Variants in NKAIN2 observed in about 807,000 individuals in gnomAD.
NKAIN2 encodes the protein sodium/potassium-transporting ATPase subunit beta-1-interacting protein 2.
NKAIN2 carries 14 observed loss-of-function variants against 32.6 expected under a neutral mutation model. That is an observed-to-expected ratio of 0.43 (90% confidence interval 0.28 to 0.67). NKAIN2 has a LOEUF of 0.67. Ranked by LOEUF, NKAIN2 falls within the 30% of genes least tolerant of loss-of-function variation. The pLI, the probability that NKAIN2 is intolerant of heterozygous loss-of-function variation, is 0.17. For missense variants in NKAIN2, 198 were observed against 258.3 expected (o/e 0.77, Z 1.60); for synonymous variants, 80 against 87.2 (o/e 0.92, Z 0.46).
chr6:123,966,331 C>T (rs959803638), intron 1 of NKAIN2, among the ~76,000 whole-genome samples: 13 of 152,096 alleles, frequency 8.5e-5, no homozygotes, highest in Admixed American at 2.0e-4. Context: ...TCAGAAGATA[C>T]GAGCTTTAAT....
intron 3 of NKAIN2, among the ~76,000 whole-genome samples, chr6:124,417,873 G>A (rs987492170): frequency 2.6e-5 from 4 of 152,084 alleles, no homozygotes; most frequent in South Asian, 2.1e-4. Flanking sequence ...ACATCCTGGT[G>A]GACAATAGCC....
At chr6:124,665,098 C>T (rs1772725380) in intron 4 of NKAIN2, among the ~76,000 whole-genome samples, 2 of 151,916 alleles carry the variant, frequency 1.3e-5, no homozygotes, top group Admixed American at 1.3e-4. Context: ...CCAAAGAAAT[C>T]TACAGATTCA....
chr6:123,912,396 T>C (rs1010805056), intron 1 of NKAIN2, among the ~76,000 whole-genome samples: 3 of 152,160 alleles, frequency 2.0e-5, no homozygotes, highest in Non-Finnish European at 4.4e-5. Context: ...TAAATCTGAG[T>C]CCATTTCAAT....
intron 1 of NKAIN2, among the ~76,000 whole-genome samples, chr6:123,911,778 CATACATATATAT>C (rs1277668402): frequency 3.9e-5 from 3 of 75,980 alleles, no homozygotes; most frequent in African/African-American, 1.5e-4. Flanking sequence ...TATATACATA[CATACATATATAT>C]ATATATATAT....
At chr6:123,893,282 C>T (rs993773487) in intron 1 of NKAIN2, among the ~76,000 whole-genome samples, 2 of 152,132 alleles carry the variant, frequency 1.3e-5, no homozygotes, top group Non-Finnish European at 2.9e-5. Flanking sequence ...TTCATTGTAG[C>T]CTTGAATTGC....
intron 1 of NKAIN2, among the ~76,000 whole-genome samples, chr6:124,151,906 A>AT (rs1164454177): frequency 8.6e-5 from 13 of 151,864 alleles, no homozygotes. Flanking sequence ...AACTCTTTAT[A>AT]TTTTTTCTAT....
chr6:124,251,116 A>C (rs999343176), intron 1 of NKAIN2, among the ~76,000 whole-genome samples: 1 of 152,068 alleles, frequency 6.6e-6, no homozygotes, highest in African/African-American at 2.4e-5. Flanking sequence ...GAGAACTAGA[A>C]AACATAAAAT....
At chr6:124,635,039 G>A (rs957925595) in intron 3 of NKAIN2, among the ~76,000 whole-genome samples, 1 of 150,056 alleles carries the variant, frequency 6.7e-6, no homozygotes, top group Non-Finnish European at 1.5e-5. Context: ...GGAAGAAGAG[G>A]AAGGAAGGAA....
At chr6:124,526,126 T>C (rs1395486435) in intron 3 of NKAIN2, among the ~76,000 whole-genome samples, 1 of 152,014 alleles carries the variant, frequency 6.6e-6, no homozygotes, top group African/African-American at 2.4e-5. Flanking sequence ...GAAATGATCA[T>C]ATATATAAAG....
chr6:124,127,581 G>A (rs1282379914), intron 1 of NKAIN2, among the ~76,000 whole-genome samples: 2 of 152,156 alleles, frequency 1.3e-5, no homozygotes, highest in South Asian at 2.1e-4. Context: ...TTAGGATGGA[G>A]GAAAAAGACA....
At chr6:124,777,915 C>T (rs984088397) in intron 4 of NKAIN2, among the ~76,000 whole-genome samples, 5 of 151,770 alleles carry the variant, frequency 3.3e-5, no homozygotes, top group African/African-American at 1.2e-4. Flanking sequence ...TCATTTCTTA[C>T]TCAGTATTTC....
intron 3 of NKAIN2, among the ~76,000 whole-genome samples, chr6:124,556,861 C>T (rs1780495386): frequency 1.3e-5 from 2 of 152,028 alleles, no homozygotes; most frequent in Non-Finnish European, 2.9e-5. Flanking sequence ...ATCAAATGCT[C>T]CTTCAGCTCC....
chr6:123,952,314 GTTA>G (rs879857765), intron 1 of NKAIN2, among the ~76,000 whole-genome samples: 2 of 152,010 alleles, frequency 1.3e-5, no homozygotes, highest in East Asian at 3.9e-4. Context: ...TTCTTTTTCT[GTTA>G]TTAGGAATCT....
chr6:124,530,336 G>A (rs1016509445), intron 3 of NKAIN2, among the ~76,000 whole-genome samples: 7 of 152,092 alleles, frequency 4.6e-5, no homozygotes, highest in Non-Finnish European at 1.0e-4. Context: ...TTTACTATTC[G>A]CTAAGTGGAA....
chr6:124,284,076 T>A (rs1402416099), intron 2 of NKAIN2, among the ~76,000 whole-genome samples: 1 of 151,752 alleles, frequency 6.6e-6, no homozygotes, highest in East Asian at 1.9e-4. Context: ...AGCCAGGCAA[T>A]GTGGTGGTGG....
chr6:124,024,816 GTC>G (rs1781031962), intron 1 of NKAIN2, among the ~76,000 whole-genome samples: 1 of 151,854 alleles, frequency 6.6e-6, no homozygotes, highest in Non-Finnish European at 1.5e-5. Context: ...GTGAAACCCT[GTC>G]TCTACTAAAA....
At chr6:124,166,086 C>T (rs533658293) in intron 1 of NKAIN2, among the ~76,000 whole-genome samples, 3 of 122,880 alleles carry the variant, frequency 2.4e-5, no homozygotes, top group Non-Finnish European at 5.1e-5. Flanking sequence ...CCTGAGGAAT[C>T]GCCACACTGA....
intron 2 of NKAIN2, among the ~76,000 whole-genome samples, chr6:124,347,063 G>A (rs1224563715): frequency 1.3e-5 from 2 of 151,316 alleles, no homozygotes; most frequent in South Asian, 2.1e-4. Context: ...TTGCTTGTCT[G>A]TAAAGTATTT....
chr6:124,495,224 C>T (rs999573636), intron 3 of NKAIN2, among the ~76,000 whole-genome samples: 18 of 152,046 alleles, frequency 1.2e-4, no homozygotes, highest in African/African-American at 4.3e-4. Flanking sequence ...TCTTTTGTTT[C>T]CATCTTAATT....
Sources: allele counts gnomAD v4.1 joint callset (sites outside exome capture counted in the v4.1 genomes callset), GRCh38; gene constraint gnomAD v4.1.1; transcripts MANE v1.5; gene names NCBI Gene and HGNC (gene_info 2026-07-23, HGNC 2026-07-21).